TMEM131L: variants seen among roughly 807,000 people sequenced by gnomAD.
The protein encoded by TMEM131L is transmembrane 131 like.
TMEM131L carries 54 observed loss-of-function variants against 192.2 expected under a neutral mutation model. The observed-to-expected ratio is 0.28, with a 90% CI of 0.23 to 0.35. TMEM131L has a LOEUF of 0.35. Among genes scored for constraint, TMEM131L ranks in the 10% least tolerant of loss-of-function variants. The probability of loss-of-function intolerance (pLI) is 1.00; values close to 1 mark genes in which losing one functional copy is unlikely to be tolerated. For synonymous variants in TMEM131L, 701 were observed against 704.9 expected (o/e 0.99, Z 0.09); for missense variants, 1,888 against 1,972.9 (o/e 0.96, Z 0.82).
intron 3 of TMEM131L, among the ~76,000 whole-genome samples, chr4:153,513,347 A>T (rs994846952): frequency 6.6e-6 from 1 of 152,206 alleles, no homozygotes; most frequent in African/African-American, 2.4e-5. Context: ...TAGGAGCTCT[A>T]TTCTGATTTA....
At chr4:153,532,149 C>T (rs1735945111) in intron 3 of TMEM131L, among the ~76,000 whole-genome samples, 1 of 152,184 alleles carries the variant, frequency 6.6e-6, no homozygotes, top group Non-Finnish European at 1.5e-5. Flanking sequence ...TGAAATTAGG[C>T]AGAATGATTT....
chr4:153,474,936 A>G (rs1731422806), intron 3 of TMEM131L, among the ~76,000 whole-genome samples: 2 of 152,136 alleles, frequency 1.3e-5, no homozygotes, highest in African/African-American at 4.8e-5. Context: ...GTACACGAAG[A>G]CACTCTAAGT....
chr4:153,554,525 T>G (rs1737856034), intron 4 of TMEM131L, among the ~76,000 whole-genome samples: 1 of 152,216 alleles, frequency 6.6e-6, no homozygotes, highest in Non-Finnish European at 1.5e-5. Flanking sequence ...AGAAGCAACA[T>G]CCATTTCATG....
intron 3 of TMEM131L, among the ~76,000 whole-genome samples, chr4:153,506,100 A>G (rs983448774): frequency 7.9e-5 from 12 of 152,238 alleles, no homozygotes; most frequent in African/African-American, 2.9e-4. Context: ...GAGTCGAACT[A>G]ATATTTAAAA....
intron 31 of TMEM131L, 185 bp from the exon 32 acceptor site, chr4:153,632,533 A>T: frequency 1.6e-6 from 1 of 630,016 alleles, no homozygotes; most frequent in Non-Finnish European, 2.7e-6. Flanking sequence ...ACACTGTCTG[A>T]AGAAACGGTC....
intron 19 of TMEM131L, among the ~76,000 whole-genome samples, chr4:153,595,531 A>T (rs1489497906): frequency 6.6e-6 from 1 of 152,182 alleles, no homozygotes; most frequent in Non-Finnish European, 1.5e-5. Flanking sequence ...CATAAAATTA[A>T]AAGTTAAAAA....
chr4:153,576,282 A>G (rs1729934720), intron 7 of TMEM131L, among the ~76,000 whole-genome samples: 1 of 152,164 alleles, frequency 6.6e-6, no homozygotes, highest in African/African-American at 2.4e-5. Flanking sequence ...TCTTTTGAGA[A>G]AGATATGGAC....
At chr4:153,488,780 G>T (rs980505223) in intron 3 of TMEM131L, among the ~76,000 whole-genome samples, 18 of 152,210 alleles carry the variant, frequency 1.2e-4, no homozygotes, top group Non-Finnish European at 2.5e-4. Context: ...CCTCTGTCAA[G>T]CCGGCAGGGC....
chr4:153,534,473 G>A lies in TMEM131L; in HGVS notation c.240-15600G>A, dbSNP rs536861444. ...TTTTGAGACAGAGTCTTGCTCTGTCGCCCAGGCTGGAGTACAGTGGCGCAA... is the reference window on the plus strand; with the variant it reads ...TTTTGAGACAGAGTCTTGCTCTGTCACCCAGGCTGGAGTACAGTGGCGCAA... On this transcript the variant is annotated intron_variant, in intron 3 of 34. Coordinates refer to ENST00000409959, the MANE Select transcript of TMEM131L (RefSeq NM_001131007.2). 9.0e-4 allele frequency among the ~76,000 whole-genome samples: 137 copies of A among 152,030 alleles called. 1 individual carries two copies. The highest frequency in any genetic ancestry group is 1.9e-3 in the South Asian group (9 of 4,806).
chr4:153,544,148 A>G (rs933831635), intron 3 of TMEM131L, among the ~76,000 whole-genome samples: 5 of 152,224 alleles, frequency 3.3e-5, no homozygotes, highest in Non-Finnish European at 7.3e-5. Flanking sequence ...TTGCATCTCA[A>G]AGACAGCTAG....
chr4:153,572,424 G>T (rs377744169), intron 7 of TMEM131L, among the ~76,000 whole-genome samples: 1 of 152,038 alleles, frequency 6.6e-6, no homozygotes, highest in Non-Finnish European at 1.5e-5. Flanking sequence ...TCTGCCTCCC[G>T]GGTTCAAGTG....
At position 153,531,192 on chromosome 4, in the gene TMEM131L, A is replaced by C. The variant is rs114818104; in HGVS notation, c.240-18881A>C. 1.9e-3 allele frequency among the ~76,000 whole-genome samples: 287 copies of C among 152,266 alleles called. 1 individual carries two copies. Among genetic ancestry groups the C allele is most frequent in the African/African-American group, 6.6e-3 (274 of 41,554 alleles). On this transcript the variant is annotated intron_variant, in intron 3 of 34. Coordinates refer to ENST00000409959, the MANE Select transcript of TMEM131L (RefSeq NM_001131007.2). ...CATGTACACTGGAATTGTCTGAGAG[A>C]GCTATTCCTCAAACACAGATTCCTA...
At chr4:153,533,844 A>C (rs987896255) in intron 3 of TMEM131L, among the ~76,000 whole-genome samples, 1 of 152,214 alleles carries the variant, frequency 6.6e-6, no homozygotes, top group Admixed American at 6.5e-5. Flanking sequence ...GTAATTTAGC[A>C]AATCACTAAA....
chr4:153,623,022 C>T lies in TMEM131L; in HGVS notation c.3984C>T (p.Ser1328=). ...GGGGCAGCTGGGGGAGCTGGAGCAG[C>T]ACCAGCAGCTCCGACGGGGATAAGA... ...ASRGSWGSWS[S]TSSSDGDKKP... The change falls in exon 29 of 35, where the codon AGC becomes AGT. Residue 1328 remains serine (S), a synonymous_variant. Transcript: ENST00000409959. 6.2e-7 allele frequency: 1 copy of T among 1,614,100 alleles called. No homozygotes were observed. Among genetic ancestry groups the T allele is most frequent in the Non-Finnish European group, 8.5e-7 (1 of 1,179,992 alleles).
At chr4:153,538,829 C>T (rs755317453) in intron 3 of TMEM131L, among the ~76,000 whole-genome samples, 7 of 152,322 alleles carry the variant, frequency 4.6e-5, no homozygotes, top group East Asian at 3.9e-4. Context: ...AGGGACCCCA[C>T]GTCGCCTTCC....
chr4:153,544,010 T>G (rs948569960), intron 3 of TMEM131L, among the ~76,000 whole-genome samples: 66 of 152,260 alleles, frequency 4.3e-4, no homozygotes, highest in African/African-American at 1.5e-3. Context: ...GTTTGTGAAA[T>G]GGATGGGAAA....
intron 1 of TMEM131L, 136 bp from the exon 2 acceptor site, chr4:153,467,075 G>A (rs979165060): frequency 3.2e-5 from 27 of 847,356 alleles, no homozygotes; most frequent in Non-Finnish European, 5.2e-5. Flanking sequence ...GCTCGCCCCT[G>A]GGATGGCCTC....
At chr4:153,539,171 AG>A (rs977894529) in intron 3 of TMEM131L, among the ~76,000 whole-genome samples, 4 of 152,056 alleles carry the variant, frequency 2.6e-5, no homozygotes, top group South Asian at 2.1e-4. Flanking sequence ...CTCCCCCAAA[AG>A]GGGGGGAGGC....
intron 3 of TMEM131L, among the ~76,000 whole-genome samples, chr4:153,522,525 C>G (rs1388161960): frequency 1.3e-5 from 2 of 152,164 alleles, no homozygotes; most frequent in Non-Finnish European, 2.9e-5. Flanking sequence ...AAGCGTGACC[C>G]TTCCCCCTGC....
Sources: gnomAD v4.1 joint callset for allele counts (sites outside exome capture counted in the v4.1 genomes callset) on GRCh38, gnomAD v4.1.1 for gene constraint, MANE v1.5 for transcripts, NCBI Gene and HGNC (gene_info 2026-07-23, HGNC 2026-07-21) for gene names.